GRID2: variants seen among roughly 807,000 people sequenced by gnomAD.
The protein encoded by GRID2 is glutamate receptor ionotropic, delta-2.
A neutral mutation model predicts 114.8 loss-of-function variants in GRID2; 33 were observed. That is an observed-to-expected ratio of 0.29 (90% confidence interval 0.22 to 0.38). The LOEUF (loss-of-function observed/expected upper bound fraction) is 0.38, where lower values mean the gene tolerates loss of function less well. GRID2 is among the 10% of genes least tolerant of loss of function. The pLI, the probability that GRID2 is intolerant of heterozygous loss-of-function variation, is 1.00. For synonymous variants in GRID2, 505 were observed against 449.9 expected (o/e 1.12, Z -1.55); for missense variants, 1,184 against 1,257.7 (o/e 0.94, Z 0.89).
chr4:93,529,431 C>CG (rs1045563977), intron 13 of GRID2, among the ~76,000 whole-genome samples: 6 of 152,226 alleles, frequency 3.9e-5, no homozygotes, highest in Middle Eastern at 6.8e-3. Flanking sequence ...TTAGAGCCCA[C>CG]GGCAGAACTA....
At chr4:93,567,865 A>T (rs1259243715) in intron 13 of GRID2, among the ~76,000 whole-genome samples, 1 of 152,224 alleles carries the variant, frequency 6.6e-6, no homozygotes, top group Non-Finnish European at 1.5e-5. Context: ...TTGGATTTAA[A>T]TGTTTTATAG....
chr4:93,119,483 C>A (rs1167302676), intron 4 of GRID2, among the ~76,000 whole-genome samples: 1 of 152,082 alleles, frequency 6.6e-6, no homozygotes, highest in East Asian at 1.9e-4. Context: ...TACGCCAATT[C>A]TTTGAAAGGA....
At chr4:93,316,324 GAAAGAAAGAAA>G (rs1756631283) in intron 8 of GRID2, among the ~76,000 whole-genome samples, 3 of 49,572 alleles carry the variant, frequency 6.1e-5, no homozygotes, top group African/African-American at 2.7e-4. Flanking sequence ...AAGAAAGAAA[GAAAGAAAGAAA>G]GAAAGAAGGA....
chr4:92,998,060 T>C (rs1311419797), intron 2 of GRID2, among the ~76,000 whole-genome samples: 6 of 152,044 alleles, frequency 3.9e-5, no homozygotes, highest in Admixed American at 2.6e-4. Flanking sequence ...ACTTGATTCA[T>C]ATACTCCCCT....
chr4:93,475,677 G>A (rs982067496), intron 11 of GRID2, among the ~76,000 whole-genome samples: 12 of 152,034 alleles, frequency 7.9e-5, no homozygotes, highest in African/African-American at 2.9e-4. Context: ...ACTTCACTTT[G>A]AGATCCATTT....
chr4:92,543,302 A>G (rs1160477851), intron 1 of GRID2, among the ~76,000 whole-genome samples: 2 of 152,208 alleles, frequency 1.3e-5, no homozygotes, highest in African/African-American at 2.4e-5. Flanking sequence ...ATAAGTTAGC[A>G]GAGCTGTGTG....
chr4:92,518,327 C>A (rs1246579738), intron 1 of GRID2, among the ~76,000 whole-genome samples: 1 of 151,848 alleles, frequency 6.6e-6, no homozygotes, highest in African/African-American at 2.4e-5. Flanking sequence ...TCAGAATATA[C>A]CTGCACCAAG....
At chr4:92,332,272 A>T (rs1261642107) in intron 1 of GRID2, among the ~76,000 whole-genome samples, 2 of 152,124 alleles carry the variant, frequency 1.3e-5, no homozygotes, top group African/African-American at 4.8e-5. Flanking sequence ...TAATGGCACA[A>T]GGCAGAAGGG....
chr4:93,339,850 G>A (rs755458657), intron 8 of GRID2, among the ~76,000 whole-genome samples: 1 of 149,290 alleles, frequency 6.7e-6, no homozygotes, highest in Non-Finnish European at 1.5e-5. Flanking sequence ...TCACAAGGTG[G>A]CAGGAAGAAG....
chr4:92,911,304 A>C (rs1214133030), intron 2 of GRID2, among the ~76,000 whole-genome samples: 1 of 152,070 alleles, frequency 6.6e-6, no homozygotes, highest in Non-Finnish European at 1.5e-5. Flanking sequence ...CATACATTTC[A>C]TACAGGTATT....
chr4:92,794,905 T>TATATATATATATATACACACACAC (rs745392261), intron 2 of GRID2, among the ~76,000 whole-genome samples: 1 of 127,814 alleles, frequency 7.8e-6, no homozygotes, highest in African/African-American at 3.1e-5. Flanking sequence ...TATATATATA[T>TATATATATATATATACACACACAC]ACACACACAC....
chr4:93,214,247 T>A (rs558968410), intron 5 of GRID2, among the ~76,000 whole-genome samples: 19 of 152,170 alleles, frequency 1.2e-4, no homozygotes, highest in East Asian at 9.6e-4. Flanking sequence ...AAACATTTTT[T>A]AAAAAATTCA....
intron 4 of GRID2, among the ~76,000 whole-genome samples, chr4:93,135,941 G>A (rs1393184803): frequency 2.0e-5 from 3 of 152,040 alleles, no homozygotes; most frequent in Non-Finnish European, 4.4e-5. Context: ...AAACTGTGTG[G>A]TATGCTAAAA....
At position 93,369,174 on chromosome 4, in the gene GRID2, T is replaced by G. The variant is rs144203311; in HGVS notation, c.1246-26433T>G. Among the ~76,000 whole-genome samples the G allele has an allele frequency of 1.6e-3, 239 of 152,258 alleles. 1 individual carries two copies. The highest frequency in any genetic ancestry group is 5.6e-3 in the African/African-American group (232 of 41,552). Reference sequence around the variant, plus strand: ...TTGGGGGAGAATGATTTTGAGCGTTTCAGCTTCTGTTAGCTGTCAGCATTC... The same window carrying G: ...TTGGGGGAGAATGATTTTGAGCGTTGCAGCTTCTGTTAGCTGTCAGCATTC... On this transcript the variant is annotated intron_variant, in intron 8 of 15. Coordinates refer to ENST00000282020, the MANE Select transcript of GRID2 (RefSeq NM_001510.4).
intron 13 of GRID2, among the ~76,000 whole-genome samples, chr4:93,526,627 T>C (rs994228185): frequency 6.6e-6 from 1 of 152,292 alleles, no homozygotes; most frequent in South Asian, 2.1e-4. Context: ...CTGACCAATA[T>C]GGGGAAACCC....
intron 4 of GRID2, among the ~76,000 whole-genome samples, chr4:93,112,784 T>C (rs528150449): frequency 6.6e-6 from 1 of 152,244 alleles, no homozygotes; most frequent in Admixed American, 6.5e-5. Context: ...GAAGGAACTG[T>C]TCTAAGCCTC....
chr4:93,678,812 G>A (rs1236451199), intron 14 of GRID2, among the ~76,000 whole-genome samples: 17 of 151,108 alleles, frequency 1.1e-4, no homozygotes, highest in South Asian at 4.2e-4. Context: ...AGTACCAGCC[G>A]CTGCAAAATC....
At chr4:92,578,048 T>TTCC (rs1231503614) in intron 1 of GRID2, among the ~76,000 whole-genome samples, 30 of 18,466 alleles carry the variant, frequency 1.6e-3, no homozygotes, top group South Asian at 4.1e-3. Context: ...TAGTTTCTTC[T>TTCC]TCTTCTTCTT....
chr4:92,711,567 C>T (rs1735251521), intron 2 of GRID2, among the ~76,000 whole-genome samples: 1 of 152,160 alleles, frequency 6.6e-6, no homozygotes, highest in Admixed American at 6.5e-5. Context: ...ACACTTCAAA[C>T]ATCTGTATTC....
Sources: gnomAD v4.1 joint callset for allele counts (sites outside exome capture counted in the v4.1 genomes callset) on GRCh38, gnomAD v4.1.1 for gene constraint, MANE v1.5 for transcripts, NCBI Gene and HGNC (gene_info 2026-07-23, HGNC 2026-07-21) for gene names.